LARGE1: variants seen among roughly 807,000 people sequenced by gnomAD.
LARGE1 encodes LARGE xylosyl- and glucuronyltransferase 1.
Under a neutral mutation model 87.6 loss-of-function variants are expected in LARGE1, and 43 were observed. The observed-to-expected ratio is 0.49, with a 90% confidence interval of 0.38 to 0.63. LARGE1 has a LOEUF of 0.63. Among genes scored for constraint, LARGE1 ranks in the 30% least tolerant of loss-of-function variants. The pLI is 0.00. For missense variants in LARGE1, 802 were observed against 1,000.2 expected (o/e 0.80, Z 2.67); for synonymous variants, 434 against 394.6 (o/e 1.10, Z -1.18).
In LARGE1 at chr22:33,416,729, G is replaced by C. The variant is rs186789472; in HGVS notation, c.892+15432C>G. 2.4e-3 allele frequency among the ~76,000 whole-genome samples: 372 copies of C among 151,924 alleles called. 2 individuals are homozygous for C. Among genetic ancestry groups the C allele is most frequent in the Middle Eastern group, 0.02 (6 of 294 alleles). On this transcript the variant is annotated intron_variant, in intron 7 of 14. Transcript: ENST00000397394. ...GGCGATTTTCTTACCTCAGCTTCTA[G>C]AGTAGCTGGGATTACAGGCACCCGC...
At chr22:33,654,055 T>C (rs929583719) in intron 2 of LARGE1, among the ~76,000 whole-genome samples, 1 of 152,240 alleles carries the variant, frequency 6.6e-6, no homozygotes, top group Non-Finnish European at 1.5e-5. Flanking sequence ...ATCGACATCC[T>C]GTGTCCATTT....
intron 1 of LARGE1, among the ~76,000 whole-genome samples, chr22:33,859,756 T>C (rs2063858881): frequency 6.6e-6 from 1 of 152,140 alleles, no homozygotes; most frequent in Admixed American, 6.5e-5. Flanking sequence ...CAGCAACAGA[T>C]AAATGGGCAA....
intron 2 of LARGE1, among the ~76,000 whole-genome samples, chr22:33,672,440 C>A (rs2081444574): frequency 6.6e-6 from 1 of 152,182 alleles, no homozygotes; most frequent in African/African-American, 2.4e-5. Context: ...ATCTGATTGC[C>A]AAGTCTGTGA....
chr22:33,384,157 C>T (rs770924770), intron 8 of LARGE1, 35 bp downstream of exon 8: 2 of 1,424,172 alleles, frequency 1.4e-6, no homozygotes, highest in South Asian at 1.1e-5. Flanking sequence ...CAAGCACACT[C>T]AGGAATAGCT....
chr22:33,724,663 T>A (rs1364266791), intron 2 of LARGE1: 1 of 152,236 alleles, frequency 6.6e-6, no homozygotes, highest in Non-Finnish European at 1.5e-5. Context: ...CATGCATTTA[T>A]CAACTTTGTA....
chr22:33,210,909 G>A (rs1487914059), intron 11 of LARGE1, among the ~76,000 whole-genome samples: 1 of 152,236 alleles, frequency 6.6e-6, no homozygotes, highest in African/African-American at 2.4e-5. Context: ...GCCGTAACAA[G>A]GTACAGGCAG....
At chr22:33,598,762 C>A (rs998956788) in intron 5 of LARGE1, among the ~76,000 whole-genome samples, 6 of 152,158 alleles carry the variant, frequency 3.9e-5, no homozygotes, top group African/African-American at 1.4e-4. Context: ...TTTTCTTGAT[C>A]CAGTCTATCA....
At chr22:33,602,297 G>T (rs778119551) in intron 5 of LARGE1, among the ~76,000 whole-genome samples, 3 of 148,920 alleles carry the variant, frequency 2.0e-5, no homozygotes, top group African/African-American at 7.4e-5. Context: ...TCTTTTTTCC[G>T]TTTTTTTTTC....
chr22:33,849,590 CTCTTTTT>C (rs1385503134), intron 1 of LARGE1, among the ~76,000 whole-genome samples: 1 of 116,308 alleles, frequency 8.6e-6, no homozygotes, highest in Non-Finnish European at 1.7e-5. Context: ...TTCTTTTCTT[CTCTTTTT>C]TTTTTTTTTT....
chr22:33,457,456 C>T (rs1460562365), intron 6 of LARGE1, among the ~76,000 whole-genome samples: 1 of 151,576 alleles, frequency 6.6e-6, no homozygotes, highest in East Asian at 1.9e-4. Context: ...CAAGCCCGGC[C>T]TAATTTGTAT....
At position 33,625,124 on chromosome 22, in the gene LARGE1, A is replaced by G. The variant is rs141409965; in HGVS notation, c.491+1120T>C. 2.5e-3 allele frequency among the ~76,000 whole-genome samples: 384 copies of G among 152,208 alleles called. 1 individual carries two copies. The highest frequency in any genetic ancestry group is 0.02 in the Middle Eastern group (6 of 294). ...CTGCAAACTTTTCACCACTATTCCT[A>G]CTATGGAGAGCCTCCTGGATCCTGA... On this transcript the variant is annotated intron_variant, in intron 4 of 14. Transcript: ENST00000397394.
At chr22:33,713,793 CA>C (rs1163541220) in intron 2 of LARGE1, among the ~76,000 whole-genome samples, 1 of 151,686 alleles carries the variant, frequency 6.6e-6, no homozygotes, top group East Asian at 1.9e-4. Flanking sequence ...ACCGTGCCTA[CA>C]AAAAATTTAA....
chr22:33,380,457 G>C (rs1302939294), intron 9 of LARGE1, among the ~76,000 whole-genome samples: 1 of 152,152 alleles, frequency 6.6e-6, no homozygotes, highest in Non-Finnish European at 1.5e-5. Flanking sequence ...ATATTGGATG[G>C]AAGGGCTTCA....
chr22:33,364,922 C>T (rs1257566244), intron 9 of LARGE1, among the ~76,000 whole-genome samples: 1 of 152,044 alleles, frequency 6.6e-6, no homozygotes, highest in Non-Finnish European at 1.5e-5. Context: ...TCTCAAACTC[C>T]TGGGCTCAAG....
At chr22:33,887,622 C>T (rs2064891269) in intron 1 of LARGE1, among the ~76,000 whole-genome samples, 1 of 151,994 alleles carries the variant, frequency 6.6e-6, no homozygotes, top group African/African-American at 2.4e-5. Flanking sequence ...CCTGTAATCC[C>T]AGCTACTCGG....
chr22:33,410,670 A>ATT (rs914091782), intron 7 of LARGE1, among the ~76,000 whole-genome samples: 1 of 149,048 alleles, frequency 6.7e-6, no homozygotes. Context: ...AGTCTCAGGT[A>ATT]TTTTTTTTTT....
chr22:33,455,329 T>A (rs969001474), intron 6 of LARGE1, among the ~76,000 whole-genome samples: 2 of 152,170 alleles, frequency 1.3e-5, no homozygotes, highest in African/African-American at 4.8e-5. Context: ...TTGTGGTTGT[T>A]CCCAAACCTT....
At chr22:33,902,208 C>CA (rs1174733263) in intron 1 of LARGE1, among the ~76,000 whole-genome samples, 2 of 152,058 alleles carry the variant, frequency 1.3e-5, no homozygotes, top group Non-Finnish European at 1.5e-5. Context: ...GTAAGACACA[C>CA]AAAAAAACAA....
At chr22:33,899,704 G>T (rs2146888670) in intron 1 of LARGE1, among the ~76,000 whole-genome samples, 3 of 152,320 alleles carry the variant, frequency 2.0e-5, no homozygotes, top group Middle Eastern at 3.4e-3. Context: ...CAGTGAATCA[G>T]CAAATGAAGG....
Sources: allele counts gnomAD v4.1 joint callset (sites outside exome capture counted in the v4.1 genomes callset), GRCh38; gene constraint gnomAD v4.1.1; transcripts MANE v1.5; gene names NCBI Gene and HGNC (gene_info 2026-07-23, HGNC 2026-07-21).